The following LANCL2 variants were observed in gnomAD, a reference collection of about 807,000 sequenced individuals.
LANCL2 encodes LanC like glutathione S-transferase 2, also known as lanC-like protein 2.
Under a neutral mutation model 56.9 loss-of-function variants are expected in LANCL2, and 33 were observed. The observed-to-expected ratio is 0.58, with a 90% confidence interval of 0.44 to 0.78. LANCL2 has a LOEUF of 0.78. LANCL2 is among the 30% of genes least tolerant of loss of function. LANCL2 has a pLI of 0.00. For missense variants in LANCL2, 562 were observed against 580.2 expected (o/e 0.97, Z 0.32); for synonymous variants, 233 against 228.2 (o/e 1.02, Z -0.19).
In LANCL2 at chr7:55,376,204, T is replaced by C. The variant is rs188004511; in HGVS notation, c.204+9975T>C. 2.6e-5 allele frequency among the ~76,000 whole-genome samples: 4 copies of C among 152,320 alleles called. No homozygotes were observed. In the East Asian group the frequency reaches 7.7e-4, roughly 29 times the overall value. ...TCTGCCCCTTACTGTTGATATCACT[T>C]TTGGTAAGTTACTTTACCTCTCTCC... On this transcript the variant is annotated intron_variant, in intron 1 of 8. Coordinates refer to ENST00000254770, the MANE Select transcript of LANCL2 (RefSeq NM_018697.4).
At chr7:55,377,991 G>C (rs971950062) in intron 1 of LANCL2, among the ~76,000 whole-genome samples, 1 of 152,212 alleles carries the variant, frequency 6.6e-6, no homozygotes, top group Non-Finnish European at 1.5e-5. Context: ...AGGAACTTTA[G>C]AAGTAGACAG....
chr7:55,420,802 A>G (rs148991555), intron 6 of LANCL2, among the ~76,000 whole-genome samples: 64 of 152,332 alleles, frequency 4.2e-4, no homozygotes, highest in African/African-American at 1.4e-3. Context: ...GATTTGCCTT[A>G]CATATTTGTT....
chr7:55,381,819 G>A (rs971137836), intron 1 of LANCL2, among the ~76,000 whole-genome samples: 1 of 152,192 alleles, frequency 6.6e-6, no homozygotes, highest in Non-Finnish European at 1.5e-5. Flanking sequence ...TCAGCAAAGA[G>A]CAATGCGTTT....
intron 1 of LANCL2, among the ~76,000 whole-genome samples, chr7:55,369,192 A>T (rs1296447770): frequency 1.3e-5 from 2 of 152,146 alleles, no homozygotes; most frequent in African/African-American, 4.8e-5. Flanking sequence ...AAATAAATTT[A>T]TGTGGTTTTA....
rs1790723752 is a variant in LANCL2, at chr7:55,431,240, A to G, written c.1273A>G (p.Ile425Val). The part of the protein sequence containing the change: ...YSLFEGMAGA[I>V]HFLSDVLGPE... ...TTACATTGCAGGCATGGCTGGCGCT[A>G]TTCACTTTCTCTCTGATGTCCTGGG... is the stretch of plus-strand genomic sequence containing the variant. The change falls in exon 9 of 9, where the codon ATT (isoleucine) becomes GTT (valine). Residue 425 changes from isoleucine to valine, a missense_variant. Ile to Val is a conservative substitution (Grantham distance 29). Transcript: ENST00000254770. 1.2e-6 allele frequency: 2 copies of G among 1,613,178 alleles called. No individual in the cohort carries two copies. Among genetic ancestry groups the G allele is most frequent in the Non-Finnish European group, 1.7e-6 (2 of 1,179,534 alleles).
chr7:55,378,075 A>G (rs184267379), intron 1 of LANCL2, among the ~76,000 whole-genome samples: 3 of 152,344 alleles, frequency 2.0e-5, no homozygotes, highest in African/African-American at 7.2e-5. Context: ...TTCTTACCTA[A>G]AAAACTGAAT....
intron 5 of LANCL2, among the ~76,000 whole-genome samples, chr7:55,402,376 G>A (rs1451017900): frequency 4.0e-5 from 4 of 100,038 alleles, no homozygotes; most frequent in African/African-American, 1.6e-4. Flanking sequence ...GGGGCGGCCA[G>A]GCAGAGGCGC....
chr7:55,422,588 G>A (rs956019777), intron 6 of LANCL2, among the ~76,000 whole-genome samples: 8 of 152,172 alleles, frequency 5.3e-5, no homozygotes, highest in East Asian at 1.9e-4. Flanking sequence ...AGGTTCCTGA[G>A]GCTTTTGTTT....
In LANCL2 at chr7:55,431,220, T is replaced by C. The variant is rs767444624; in HGVS notation, c.1259-6T>C. ...TTCCTAAGAGGCTCCTCATTTTACA[T>C]TGCAGGCATGGCTGGCGCTATTCAC... On this transcript the variant is annotated splice_polypyrimidine_tract_variant and splice_region_variant and intron_variant, in intron 8 of 8. Coordinates refer to ENST00000254770, the MANE Select transcript of LANCL2 (RefSeq NM_018697.4). 1.2e-6 allele frequency: 2 copies of C among 1,606,536 alleles called. No homozygotes were observed. The highest frequency in any genetic ancestry group is 1.1e-5 in the South Asian group (1 of 90,072).
chr7:55,395,644 T>G (rs1790242025), intron 2 of LANCL2, among the ~76,000 whole-genome samples: 1 of 152,094 alleles, frequency 6.6e-6, no homozygotes, highest in Non-Finnish European at 1.5e-5. Context: ...AAAGAGAGAC[T>G]TCAGTTTTCC....
At chr7:55,379,718 A>G (rs550197866) in intron 1 of LANCL2, 7 of 152,682 alleles carry the variant, frequency 4.6e-5, no homozygotes, top group Non-Finnish European at 1.0e-4. Flanking sequence ...AAGAAGTTGG[A>G]TGGAGAACCA....
At chr7:55,384,369 C>T (rs182804353) in intron 1 of LANCL2, among the ~76,000 whole-genome samples, 94 of 152,066 alleles carry the variant, frequency 6.2e-4, no homozygotes, top group Middle Eastern at 6.8e-3. Context: ...CTGGCTAACA[C>T]GGTGAAACCC....
rs1220432919 is a variant in LANCL2, at chr7:55,431,287, A to G, written c.1320A>G (p.Pro440=). The G allele has an allele frequency of 1.9e-6, 3 of 1,614,002 alleles. No homozygotes were observed. Among genetic ancestry groups the G allele is most frequent in the Non-Finnish European group, 2.5e-6 (3 of 1,179,962 alleles). The change falls in exon 9 of 9, where the codon CCA becomes CCG. Residue 440 remains proline, a synonymous_variant. Transcript: ENST00000254770. The stretch of plus-strand genomic sequence containing the variant: ...TGGGACCAGAGACATCACGGTTTCC[A>G]GCATTTGAACTTGACTCTTCGAAGA... ...DVLGPETSRF[P]AFELDSSKRD
At chr7:55,394,332 G>T (rs1029526746) in intron 2 of LANCL2, among the ~76,000 whole-genome samples, 14 of 152,166 alleles carry the variant, frequency 9.2e-5, no homozygotes, top group Admixed American at 7.9e-4. Context: ...AGCACTTTGG[G>T]AGATGGAGGT....
At chr7:55,372,354 G>T (rs1789952890) in intron 1 of LANCL2, among the ~76,000 whole-genome samples, 1 of 152,172 alleles carries the variant, frequency 6.6e-6, no homozygotes, top group African/African-American at 2.4e-5. Context: ...TGCCATTTAT[G>T]ACTTGTAGAC....
intron 5 of LANCL2, among the ~76,000 whole-genome samples, chr7:55,407,962 T>TA (rs1430795934): frequency 1.3e-5 from 2 of 152,340 alleles, no homozygotes; most frequent in African/African-American, 4.8e-5. Context: ...CACAGACCAG[T>TA]AGCCGATGAG....
In LANCL2 at chr7:55,366,126, C is replaced by G. The variant is rs1229594709; in HGVS notation, c.101C>G (p.Ala34Gly). 2 of 1,546,172 alleles carry G rather than the reference C, an allele frequency of 1.3e-6. No homozygotes were observed. Among genetic ancestry groups the G allele is most frequent in the South Asian group, 2.4e-5 (2 of 83,856 alleles). The change falls in exon 1 of 9, where the codon GCC (alanine) becomes GGC (glycine). Residue 34 changes from alanine (A) to glycine (G), a missense_variant. Ala to Gly is a moderately conservative substitution (Grantham distance 60). Around this residue, in one of 2 missense-constraint regions of LANCL2, gnomAD observed 184 missense variants for 111.8 expected, o/e 1.65. Transcript: ENST00000254770. ...AACCCCTTCCCGGACTACGAGGCCGCCGCCGGGGCGCTGCTCGCCTCCGGA... is the reference window on the plus strand; with the variant it reads ...AACCCCTTCCCGGACTACGAGGCCGGCGCCGGGGCGCTGCTCGCCTCCGGA... Reference protein sequence around the residue: ...FVNPFPDYEAAAGALLASGAA... With the variant: ...FVNPFPDYEAGAGALLASGAA...
At chr7:55,409,603 C>T (rs1790450183) in intron 5 of LANCL2, among the ~76,000 whole-genome samples, 1 of 152,086 alleles carries the variant, frequency 6.6e-6, no homozygotes, top group South Asian at 2.1e-4. Context: ...AGAGGGGCTC[C>T]CATACAAGAC....
rs201869984 is a variant in LANCL2 at position 55,412,060 on chromosome 7, G to A, written c.979G>A (p.Val327Ile). 2 of 1,614,146 alleles carry A rather than the reference G, an allele frequency of 1.2e-6. No homozygotes were observed. Among genetic ancestry groups the A allele is most frequent in the East Asian group, 2.2e-5 (1 of 44,878 alleles). ...GCACTGGTGCCACGGCGCCCCGGGG[G>A]TCATCCACATGCTCATGCAGGCGTA... ...LVHWCHGAPG[V>I]IHMLMQAYKV... The change falls in exon 6 of 9, where the codon GTC (valine) becomes ATC (isoleucine). Residue 327 changes from valine to isoleucine, a missense_variant. Val to Ile is a conservative substitution (Grantham distance 29). Transcript: ENST00000254770.
Sources: allele counts gnomAD v4.1 joint callset (sites outside exome capture counted in the v4.1 genomes callset), GRCh38; gene constraint gnomAD v4.1.1; regional missense constraint gnomAD v4.1.1; transcripts MANE v1.5; gene names NCBI Gene and HGNC (gene_info 2026-07-23, HGNC 2026-07-21).